The following CECR2 variants were observed in gnomAD, a reference collection of about 807,000 sequenced individuals.
CECR2 encodes the protein CECR2 histone acetyl-lysine reader.
Under a neutral mutation model 154.5 loss-of-function variants are expected in CECR2, and 30 were observed. The ratio of observed to expected loss-of-function variants is 0.19; its 90% CI spans 0.15 to 0.26. CECR2 has a LOEUF of 0.26. Ranked by LOEUF, CECR2 falls within the 10% of genes least tolerant of loss-of-function variation. The pLI, the probability that CECR2 is intolerant of heterozygous loss-of-function variation, is 1.00. For synonymous variants in CECR2, 725 were observed against 683.7 expected (o/e 1.06, Z -0.94); for missense variants, 1,743 against 1,829.3 (o/e 0.95, Z 0.86).
chr22:17,386,027 G>A (rs1437020232), intron 1 of CECR2, among the ~76,000 whole-genome samples: 1 of 152,214 alleles, frequency 6.6e-6, no homozygotes, highest in African/African-American at 2.4e-5. Context: ...CATGTAAGCC[G>A]GAGGAATGGG....
At chr22:17,532,735 T>G (rs1407544368) in intron 9 of CECR2, among the ~76,000 whole-genome samples, 2 of 107,632 alleles carry the variant, frequency 1.9e-5, no homozygotes, top group Admixed American at 1.2e-4. Flanking sequence ...TTTTTTTTTT[T>G]GAGATGGAGT....
intron 1 of CECR2, among the ~76,000 whole-genome samples, chr22:17,384,298 G>T (rs1168462340): frequency 1.3e-4 from 20 of 152,020 alleles, no homozygotes; most frequent in Non-Finnish European, 2.8e-4. Flanking sequence ...TGCCCAGACT[G>T]GTCTTGACTT....
At chr22:17,514,356 A>T (rs2056013449) in intron 8 of CECR2, among the ~76,000 whole-genome samples, 1 of 152,178 alleles carries the variant, frequency 6.6e-6, no homozygotes, top group Admixed American at 6.5e-5. Flanking sequence ...GTAAGGGCAC[A>T]GCATGTTGGG....
intron 10 of CECR2, 120 bp from the exon 11 acceptor site, chr22:17,538,400 C>T (rs2056469702): frequency 2.3e-6 from 2 of 886,200 alleles, no homozygotes; most frequent in African/African-American, 1.6e-5. Context: ...CTCATCTAAA[C>T]CACACTATTA....
At chr22:17,440,483 ACT>A (rs903490997) in intron 1 of CECR2, among the ~76,000 whole-genome samples, 4 of 152,088 alleles carry the variant, frequency 2.6e-5, no homozygotes, top group African/African-American at 7.2e-5. Flanking sequence ...CAGAGAAATG[ACT>A]CTCTGTAGGT....
At chr22:17,490,559 C>A (rs370261095) in intron 2 of CECR2, among the ~76,000 whole-genome samples, 1 of 151,994 alleles carries the variant, frequency 6.6e-6, no homozygotes, top group African/African-American at 2.4e-5. Flanking sequence ...ATCAGCCTCC[C>A]GAGTAGCTGG....
intron 1 of CECR2, among the ~76,000 whole-genome samples, chr22:17,455,382 C>T (rs2054837108): frequency 6.6e-6 from 1 of 152,134 alleles, no homozygotes; most frequent in African/African-American, 2.4e-5. Context: ...TGAAGAGGAA[C>T]CTCTACTTTA....
intron 1 of CECR2, among the ~76,000 whole-genome samples, chr22:17,361,029 G>A (rs1361224756): frequency 6.6e-6 from 1 of 152,090 alleles, no homozygotes; most frequent in Non-Finnish European, 1.5e-5. Context: ...CAGGCATCGT[G>A]GTGTGTGCAT....
intron 1 of CECR2, among the ~76,000 whole-genome samples, chr22:17,418,324 G>A (rs2054185374): frequency 6.6e-6 from 1 of 152,174 alleles, no homozygotes; most frequent in African/African-American, 2.4e-5. Flanking sequence ...TCTAGTCCCA[G>A]TAATTGTGCA....
chr22:17,388,450 C>A (rs938678970), intron 1 of CECR2, among the ~76,000 whole-genome samples: 3 of 152,128 alleles, frequency 2.0e-5, no homozygotes, highest in African/African-American at 4.8e-5. Context: ...GCCGCATGCC[C>A]AGCGGGTGGC....
chr22:17,505,325 C>A (rs1312202469), intron 7 of CECR2, among the ~76,000 whole-genome samples: 1 of 151,546 alleles, frequency 6.6e-6, no homozygotes, highest in African/African-American at 2.4e-5. Context: ...TTCCTTGAGT[C>A]CCTGTGTAAT....
At chr22:17,473,130 G>C (rs546196056) in intron 1 of CECR2, among the ~76,000 whole-genome samples, 20 of 152,118 alleles carry the variant, frequency 1.3e-4, no homozygotes, top group Admixed American at 9.8e-4. Context: ...CTGCAAAGGC[G>C]GCAAATCCTG....
intron 1 of CECR2, among the ~76,000 whole-genome samples, chr22:17,445,392 G>C (rs1569086571): frequency 6.6e-6 from 1 of 152,064 alleles, no homozygotes; most frequent in African/African-American, 2.4e-5. Flanking sequence ...ATTGGTTCAA[G>C]AGCCTTGCTG....
chr22:17,373,351 T>G (rs2063082671), intron 1 of CECR2, among the ~76,000 whole-genome samples: 1 of 152,202 alleles, frequency 6.6e-6, no homozygotes. Flanking sequence ...AAGTATATAA[T>G]AGTAATGCCT....
At position 17,541,202 on chromosome 22, in the gene CECR2, A is replaced by T. The variant is rs573199250; in HGVS notation, c.1884+402A>T. ...CTGGGCGCAGTGGCCCACTCTTGCA[A>T]TCCCAGCACTTTGGGAGGCTGAGGT... On this transcript the variant is annotated intron_variant, in intron 14 of 18. Coordinates refer to ENST00000262608, the MANE Select transcript of CECR2 (RefSeq NM_001290047.2). Among the ~76,000 whole-genome samples, 8 of 152,330 alleles carry T rather than the reference A, an allele frequency of 5.3e-5. No individual in the cohort carries two copies. In the East Asian group the frequency reaches 1.2e-3, roughly 22 times the overall value.
chr22:17,525,595 G>C (rs908103911), intron 9 of CECR2, among the ~76,000 whole-genome samples: 3 of 152,184 alleles, frequency 2.0e-5, no homozygotes, highest in African/African-American at 7.2e-5. Flanking sequence ...GACAGAGCAA[G>C]ACTCTGTCTC....
chr22:17,460,723 T>TAC (rs2054924896), intron 1 of CECR2, among the ~76,000 whole-genome samples: 1 of 152,216 alleles, frequency 6.6e-6, no homozygotes, highest in African/African-American at 2.4e-5. Flanking sequence ...GGTATCCTTA[T>TAC]GTCCCAGTCG....
intron 1 of CECR2, among the ~76,000 whole-genome samples, chr22:17,394,846 GT>G (rs887141651): frequency 6.6e-6 from 1 of 151,922 alleles, no homozygotes; most frequent in African/African-American, 2.4e-5. Context: ...CCAAGTATAG[GT>G]TTTTTTGCTG....
At chr22:17,474,487 C>G (rs551145501) in intron 1 of CECR2, among the ~76,000 whole-genome samples, 107 of 152,232 alleles carry the variant, frequency 7.0e-4, no homozygotes, top group African/African-American at 2.3e-3. Flanking sequence ...AAGAGCTAGT[C>G]CAGCATCCCT....
Sources: gnomAD v4.1 joint callset for allele counts (sites outside exome capture counted in the v4.1 genomes callset) on GRCh38, gnomAD v4.1.1 for gene constraint, MANE v1.5 for transcripts, NCBI Gene and HGNC (gene_info 2026-07-23, HGNC 2026-07-21) for gene names.